Variants in SCML4 observed in about 807,000 individuals in gnomAD.
SCML4 encodes the protein Scm polycomb group protein like 4.
A neutral mutation model predicts 41.1 loss-of-function variants in SCML4; 34 were observed. The ratio of observed to expected loss-of-function variants is 0.83; its 90% CI spans 0.63 to 1.10. SCML4 has a LOEUF of 1.10. SCML4 is among the 50% of genes least tolerant of loss of function. The pLI, the probability that SCML4 is intolerant of heterozygous loss-of-function variation, is 0.00. For missense variants in SCML4, 522 were observed against 534.1 expected (o/e 0.98, Z 0.22); for synonymous variants, 214 against 220.9 (o/e 0.97, Z 0.28).
rs550638733 is a variant in SCML4, at chr6:107,725,351, T to A, written c.683-4358A>T. On this transcript the variant is annotated intron_variant, in intron 5 of 7. Coordinates refer to ENST00000369020, the MANE Select transcript of SCML4 (RefSeq NM_198081.5). ...TTGATTTAAAAATTTTTTAAAAAAA[T>A]AAATAAATAAAGCCAATGTCATTGG... 9.2e-5 allele frequency among the ~76,000 whole-genome samples: 14 copies of A among 152,058 alleles called. No homozygotes were observed. In the Middle Eastern group the frequency reaches 0.014, roughly 148 times the overall value.
chr6:107,840,795 C>T, the SCML4 span, among the ~76,000 whole-genome samples: 3 of 152,166 alleles, frequency 2.0e-5, no homozygotes, highest in Admixed American at 6.5e-5. Flanking sequence ...AGGGAGGAGC[C>T]ATCTGAACCC....
Position 107,702,328 on chromosome 6 carries a change from A to G in SCML4, c.*2872T>C, listed in dbSNP as rs1773251971. Among the ~76,000 whole-genome samples, 1 of 152,218 alleles carries G rather than the reference A, an allele frequency of 6.6e-6. No homozygotes were observed. Among genetic ancestry groups the G allele is most frequent in the Non-Finnish European group, 1.5e-5 (1 of 68,028 alleles). On this transcript the variant is annotated 3_prime_UTR_variant, in exon 8 of 8. Coordinates refer to ENST00000369020, the MANE Select transcript of SCML4 (RefSeq NM_198081.5). Reference sequence around the variant, plus strand: ...GGATCCAGTTTTCTCCAAGACTTGAAATGAGAACATATCTCTCGCCTGAAA... The same window carrying G: ...GGATCCAGTTTTCTCCAAGACTTGAGATGAGAACATATCTCTCGCCTGAAA...
In SCML4 at chr6:107,813,370, T is replaced by TTATATA. The variant is rs543060112; in HGVS notation, c.-60+10750_-60+10755dup. On this transcript the variant is annotated intron_variant, in intron 1 of 7. Transcript: ENST00000369020. The stretch of plus-strand genomic sequence containing the variant: ...AGAGTGAGACGCCATCTCAAAAAAA[T>TTATATA]TATATATATATATATATATATATAT... 4.9e-3 allele frequency among the ~76,000 whole-genome samples: 208 copies of TTATATA among 42,338 alleles called. 3 individuals carry two copies. Among genetic ancestry groups the TTATATA allele is most frequent in the African/African-American group, 8.2e-3 (60 of 7,294 alleles). 27.8% of individuals were successfully genotyped at this position (42,338 alleles called of 152,430 possible).
intron 1 of SCML4, among the ~76,000 whole-genome samples, chr6:107,813,825 C>G (rs1335777152): frequency 6.6e-6 from 1 of 152,186 alleles, no homozygotes; most frequent in African/African-American, 2.4e-5. Flanking sequence ...GTGGCAGCAG[C>G]TAGGGTGGCT....
the SCML4 span, among the ~76,000 whole-genome samples, chr6:107,830,465 G>A: frequency 0.022 from 3,333 of 152,286 alleles, 96 homozygotes; most frequent in East Asian, 0.13. Context: ...ACTGACAGCT[G>A]GAAGAACTGA....
chr6:107,724,347 G>A (rs1337304388), intron 5 of SCML4, among the ~76,000 whole-genome samples: 1 of 152,196 alleles, frequency 6.6e-6, no homozygotes, highest in Non-Finnish European at 1.5e-5. Context: ...TCTGGATTAG[G>A]AAGGAAGAAG....
chr6:107,764,043 G>A (rs1779839843), intron 2 of SCML4, among the ~76,000 whole-genome samples: 1 of 152,214 alleles, frequency 6.6e-6, no homozygotes, highest in African/African-American at 2.4e-5. Context: ...GTTCTGAGGA[G>A]ATGCTCCAGG....
chr6:107,778,626 C>A (rs1781228922), intron 1 of SCML4, among the ~76,000 whole-genome samples: 1 of 152,120 alleles, frequency 6.6e-6, no homozygotes, highest in African/African-American at 2.4e-5. Flanking sequence ...TTTGGAATGA[C>A]ATTTTACATG....
At chr6:107,805,185 G>A (rs1783632573) in intron 1 of SCML4, among the ~76,000 whole-genome samples, 1 of 152,168 alleles carries the variant, frequency 6.6e-6, no homozygotes, top group East Asian at 1.9e-4. Context: ...GCATGGGGTG[G>A]CTGTCAAGGG....
At chr6:107,792,897 T>C (rs550170125) in intron 1 of SCML4, among the ~76,000 whole-genome samples, 41 of 152,254 alleles carry the variant, frequency 2.7e-4, no homozygotes, top group South Asian at 2.1e-3. Context: ...GGAATATAGA[T>C]TGTATAGGAT....
At chr6:107,827,296 T>C (rs966923805), upstream of SCML4, among the ~76,000 whole-genome samples, 11 of 147,326 alleles carry the variant, frequency 7.5e-5, no homozygotes, top group Non-Finnish European at 1.2e-4. Flanking sequence ...AAATATATAT[T>C]TGTTTTTTAC....
intron 1 of SCML4, among the ~76,000 whole-genome samples, chr6:107,781,145 TAG>T (rs572415005): frequency 4.7e-4 from 71 of 151,984 alleles, no homozygotes; most frequent in African/African-American, 1.7e-3. Flanking sequence ...CAGAGAAAGT[TAG>T]AGTTTAAGGC....
the SCML4 span, among the ~76,000 whole-genome samples, chr6:107,837,050 T>C: frequency 2.0e-5 from 3 of 152,222 alleles, no homozygotes; most frequent in Admixed American, 1.3e-4. Context: ...GAATTGTATA[T>C]CCATACTGTT....
intron 1 of SCML4, among the ~76,000 whole-genome samples, chr6:107,785,551 C>T (rs1781823295): frequency 6.6e-6 from 1 of 152,182 alleles, no homozygotes; most frequent in South Asian, 2.1e-4. Flanking sequence ...CCTCCCAAGC[C>T]TCCCACACTC....
At chr6:107,797,465 A>G (rs148916482) in intron 1 of SCML4, among the ~76,000 whole-genome samples, 157 of 152,222 alleles carry the variant, frequency 1.0e-3, no homozygotes, top group African/African-American at 3.5e-3. Flanking sequence ...TGATTTTTGT[A>G]CAATGACTTT....
intron 6 of SCML4, among the ~76,000 whole-genome samples, chr6:107,714,105 G>A (rs974167872): frequency 3.3e-5 from 5 of 152,172 alleles, no homozygotes; most frequent in African/African-American, 1.2e-4. Flanking sequence ...TGTGGTGAGA[G>A]AGATGAGAGG....
intron 2 of SCML4, among the ~76,000 whole-genome samples, chr6:107,759,198 G>T (rs1434812317): frequency 6.6e-6 from 1 of 151,668 alleles, no homozygotes; most frequent in Non-Finnish European, 1.5e-5. Context: ...GGGTGTGGTG[G>T]CATGCACCTT....
intron 5 of SCML4, among the ~76,000 whole-genome samples, chr6:107,739,439 C>G (rs976114630): frequency 6.6e-6 from 1 of 152,134 alleles, no homozygotes; most frequent in Non-Finnish European, 1.5e-5. Context: ...TTTGCATCTT[C>G]TTATCATGTG....
At chr6:107,809,088 A>G (rs906821138) in intron 1 of SCML4, among the ~76,000 whole-genome samples, 4 of 152,178 alleles carry the variant, frequency 2.6e-5, no homozygotes, top group African/African-American at 9.7e-5. Context: ...TAGTGTCCTT[A>G]TCAAAGGGCT....
Sources: gnomAD v4.1 joint callset for allele counts (sites outside exome capture counted in the v4.1 genomes callset) on GRCh38, gnomAD v4.1.1 for gene constraint, MANE v1.5 for transcripts, NCBI Gene and HGNC (gene_info 2026-07-23, HGNC 2026-07-21) for gene names.